ADAMTS19: variants seen among roughly 807,000 people sequenced by gnomAD.
The protein encoded by ADAMTS19 is A disintegrin and metalloproteinase with thrombospondin motifs 19.
ADAMTS19 carries 93 observed loss-of-function variants against 153.3 expected under a neutral mutation model. The observed-to-expected ratio is 0.61, with a 90% CI of 0.51 to 0.72. The LOEUF is 0.72. Among genes scored for constraint, ADAMTS19 ranks in the 30% least tolerant of loss-of-function variants. ADAMTS19 has a pLI of 0.00. For missense variants in ADAMTS19, 1,482 were observed against 1,552.1 expected (o/e 0.95, Z 0.76); for synonymous variants, 600 against 556.6 (o/e 1.08, Z -1.10).
chr5:129,692,473 T>G (rs1355066765), intron 18 of ADAMTS19, among the ~76,000 whole-genome samples: 2 of 152,202 alleles, frequency 1.3e-5, no homozygotes, highest in Admixed American at 1.3e-4. Flanking sequence ...TACCAAGGAA[T>G]AGCATGGACA....
At chr5:129,561,913 G>T (rs1027690635) in intron 7 of ADAMTS19, among the ~76,000 whole-genome samples, 2 of 151,870 alleles carry the variant, frequency 1.3e-5, no homozygotes, top group African/African-American at 4.8e-5. Flanking sequence ...AAGTATTTAA[G>T]TTTTGAGAAG....
At chr5:129,522,252 CATA>C (rs1435103753) in intron 3 of ADAMTS19, among the ~76,000 whole-genome samples, 11 of 143,592 alleles carry the variant, frequency 7.7e-5, no homozygotes, top group African/African-American at 2.6e-4. Context: ...TATACACACA[CATA>C]ATATATAAAC....
rs901930271 is a variant in ADAMTS19 at position 129,694,701 on chromosome 5, G to A, written c.2819-19G>A. Reference sequence around the variant, plus strand: ...TAAAGGCTTATAATAATATTTCTTTGTTTATTTGTTCTTTTCAGGAGAAAG... The same window carrying A: ...TAAAGGCTTATAATAATATTTCTTTATTTATTTGTTCTTTTCAGGAGAAAG... On this transcript the variant is annotated intron_variant, in intron 18 of 22. Coordinates refer to ENST00000274487, the MANE Select transcript of ADAMTS19 (RefSeq NM_133638.6). 3 of 1,521,920 alleles carry A rather than the reference G, an allele frequency of 2.0e-6. No homozygotes were observed. Among genetic ancestry groups the A allele is most frequent in the Non-Finnish European group, 2.7e-6 (3 of 1,131,504 alleles). The allele number at this position is 1,521,920 out of a possible 1,614,324, so 94.3% of individuals were successfully genotyped here.
At chr5:129,647,725 T>C (rs768705769) in intron 11 of ADAMTS19, 40 bp from the exon 12 acceptor site, 3 of 1,598,948 alleles carry the variant, frequency 1.9e-6, no homozygotes, top group East Asian at 2.2e-5. Context: ...TTTTCAGTTG[T>C]GCCCTGATTT....
chr5:129,706,563 CAA>C (rs1175652790), intron 21 of ADAMTS19, among the ~76,000 whole-genome samples: 17 of 66,604 alleles, frequency 2.6e-4, no homozygotes, highest in Admixed American at 4.9e-4. Context: ...GAGTGAAACT[CAA>C]AAAAAAAAAA....
At chr5:129,681,181 A>T (rs754922783) in intron 17 of ADAMTS19, among the ~76,000 whole-genome samples, 4 of 152,170 alleles carry the variant, frequency 2.6e-5, no homozygotes, top group Non-Finnish European at 1.5e-5. Flanking sequence ...TGCTTCTACT[A>T]CTTTAGTGTG....
intron 7 of ADAMTS19, among the ~76,000 whole-genome samples, chr5:129,576,557 A>G (rs879650414): frequency 2.0e-5 from 3 of 149,118 alleles, no homozygotes; most frequent in Non-Finnish European, 3.0e-5. Context: ...AATTTGTGTT[A>G]TTTTCCCTCT....
At chr5:129,662,000 T>A (rs1257025372) in intron 15 of ADAMTS19, among the ~76,000 whole-genome samples, 2 of 152,196 alleles carry the variant, frequency 1.3e-5, no homozygotes, top group Admixed American at 6.5e-5. Context: ...TCAGCTAAAT[T>A]ACTGACAATG....
intron 21 of ADAMTS19, among the ~76,000 whole-genome samples, chr5:129,716,041 G>GAA (rs112535601): frequency 6.8e-6 from 1 of 147,558 alleles, no homozygotes; most frequent in East Asian, 2.0e-4. Flanking sequence ...ATGAGAAACA[G>GAA]AAAAAAAAAA....
chr5:129,737,282 G>T lies in ADAMTS19; in HGVS notation c.*64G>T. The stretch of plus-strand genomic sequence containing the variant: ...ACATTATTTATAAACACACACACTA[G>T]CATGTTTTTCAGACCAAATATTATC... On this transcript the variant is annotated 3_prime_UTR_variant, in exon 23 of 23. Transcript: ENST00000274487. The T allele has an allele frequency of 2.9e-6, 4 of 1,369,376 alleles. No homozygotes were observed. Among genetic ancestry groups the T allele is most frequent in the South Asian group, 1.7e-5 (1 of 58,438 alleles). 84.8% of individuals were successfully genotyped at this position (1,369,376 alleles called of 1,614,324 possible). A position where few individuals can be genotyped will look rare whatever the true frequency, so the allele number is the denominator to read the frequency against.
At chr5:129,508,561 T>C (rs1247084023) in intron 2 of ADAMTS19, among the ~76,000 whole-genome samples, 2 of 152,038 alleles carry the variant, frequency 1.3e-5, no homozygotes, top group Non-Finnish European at 2.9e-5. Flanking sequence ...TCTAACTTAT[T>C]CTTCAAGGGC....
intron 10 of ADAMTS19, among the ~76,000 whole-genome samples, chr5:129,641,241 T>C (rs2127022775): frequency 6.6e-6 from 1 of 152,334 alleles, no homozygotes; most frequent in Admixed American, 6.5e-5. Flanking sequence ...TCAGCTGCCT[T>C]ATCCAAGTAT....
rs1017706321 is a variant in ADAMTS19, at chr5:129,537,929, T to G, written c.1328+9252T>G. Among the ~76,000 whole-genome samples, 3 of 151,330 alleles carry G rather than the reference T, an allele frequency of 2.0e-5. No homozygotes were observed. In the Admixed American group the frequency reaches 2.0e-4, roughly 10 times the overall value. ...CCTAAAACTTAAAGTATAATAATAA[T>G]AATGATAATAAATACACAAAAAAAG... On this transcript the variant is annotated intron_variant, in intron 6 of 22. Coordinates refer to ENST00000274487, the MANE Select transcript of ADAMTS19 (RefSeq NM_133638.6).
chr5:129,504,717 C>T (rs1048967453), intron 2 of ADAMTS19, among the ~76,000 whole-genome samples: 11 of 152,028 alleles, frequency 7.2e-5, no homozygotes, highest in Admixed American at 4.6e-4. Flanking sequence ...ATCAGTCTGA[C>T]TTTTTTAGAT....
At chr5:129,671,165 A>G (rs561300089) in intron 16 of ADAMTS19, among the ~76,000 whole-genome samples, 1 of 152,340 alleles carries the variant, frequency 6.6e-6, no homozygotes, top group Admixed American at 6.5e-5. Flanking sequence ...TGGAGCACAC[A>G]TTCTTGGAGG....
At chr5:129,612,037 T>A (rs1456731119) in intron 8 of ADAMTS19, among the ~76,000 whole-genome samples, 1 of 151,976 alleles carries the variant, frequency 6.6e-6, no homozygotes, top group Non-Finnish European at 1.5e-5. Flanking sequence ...GTTTGTTACA[T>A]ATGTATACAT....
In ADAMTS19 at chr5:129,477,463, C is replaced by T. The variant is rs1333833284; in HGVS notation, c.747+15706C>T. On this transcript the variant is annotated intron_variant, in intron 2 of 22. Coordinates refer to ENST00000274487, the MANE Select transcript of ADAMTS19 (RefSeq NM_133638.6). ...ATCAATCATAAAGGAGGTTAGTGGG[C>T]GGAAAGATGAAAGAGGAAAAATAAA... Among the ~76,000 whole-genome samples, 10 of 151,904 alleles carry T rather than the reference C, an allele frequency of 6.6e-5. 1 individual carries two copies. Among genetic ancestry groups the T allele is most frequent in the South Asian group, 6.3e-4 (3 of 4,800 alleles).
At chr5:129,691,043 A>C (rs181849805) in intron 18 of ADAMTS19, among the ~76,000 whole-genome samples, 189 of 152,256 alleles carry the variant, frequency 1.2e-3, no homozygotes, top group Middle Eastern at 3.4e-3. Flanking sequence ...AATAGAATTT[A>C]GTTTTATTTT....
chr5:129,538,987 A>C (rs937530009), intron 6 of ADAMTS19, among the ~76,000 whole-genome samples: 4 of 152,120 alleles, frequency 2.6e-5, no homozygotes, highest in African/African-American at 9.7e-5. Flanking sequence ...ATCAATGTTA[A>C]GAGTTGGTGT....
Sources: gnomAD v4.1 joint callset for allele counts (sites outside exome capture counted in the v4.1 genomes callset) on GRCh38, gnomAD v4.1.1 for gene constraint, MANE v1.5 for transcripts, NCBI Gene and HGNC (gene_info 2026-07-23, HGNC 2026-07-21) for gene names.